The following CSMD1 variants were observed in gnomAD, a reference collection of about 807,000 sequenced individuals.
CSMD1 encodes the protein CUB and Sushi multiple domains 1, also known as CUB and sushi domain-containing protein 1.
In CSMD1, 213 loss-of-function variants were observed where a neutral mutation model predicts 417.5. The observed-to-expected ratio is 0.51, with a 90% CI of 0.46 to 0.57. The LOEUF (loss-of-function observed/expected upper bound fraction) is 0.57, where lower values mean the gene tolerates loss of function less well. CSMD1 is among the 20% of genes least tolerant of loss of function. CSMD1 has a pLI of 0.00. For missense variants in CSMD1, 6,923 were observed against 4,529.7 expected, an observed-to-expected ratio of 1.53 and a Z score of -15.17; for synonymous variants, 2,862 against 1,736.8, an observed-to-expected ratio of 1.65 and a Z score of -16.11.
At chr8:3,325,688 G>A (rs898061312) in intron 23 of CSMD1, among the ~76,000 whole-genome samples, 1 of 152,166 alleles carries the variant, frequency 6.6e-6, no homozygotes. Context: ...GCTGGGCATG[G>A]TGGCAGGCGC....
At chr8:3,419,024 T>C (rs569403838) in intron 12 of CSMD1, among the ~76,000 whole-genome samples, 1 of 152,346 alleles carries the variant, frequency 6.6e-6, no homozygotes, top group East Asian at 1.9e-4. Flanking sequence ...ACTTACATTA[T>C]ACTCGAGGCA....
chr8:4,699,667 A>AATGTC (rs1461408915), intron 1 of CSMD1, among the ~76,000 whole-genome samples: 4 of 152,216 alleles, frequency 2.6e-5, no homozygotes, highest in African/African-American at 7.2e-5. Context: ...CATTTTAAAC[A>AATGTC]ATGTCATCAT....
rs148339066 is a variant in CSMD1, at chr8:4,484,060, C to T, written c.303-63995G>A. Among the ~76,000 whole-genome samples the T allele has an allele frequency of 2.3e-3, 352 of 152,160 alleles. 2 individuals are homozygous for T. The highest frequency in any genetic ancestry group is 3.9e-3 in the Admixed American group (60 of 15,284). ...ACATTTCTTAGTCTGCCAAGCAATACCTCAGCATCAGTTCAAAATGAAAGG... is the reference window on the plus strand; with the variant it reads ...ACATTTCTTAGTCTGCCAAGCAATATCTCAGCATCAGTTCAAAATGAAAGG... On this transcript the variant is annotated intron_variant, in intron 2 of 69. Coordinates refer to ENST00000635120, the MANE Select transcript of CSMD1 (RefSeq NM_033225.6).
chr8:4,074,597 T>C (rs184614947), intron 3 of CSMD1, among the ~76,000 whole-genome samples: 7 of 152,254 alleles, frequency 4.6e-5, no homozygotes, highest in Non-Finnish European at 8.8e-5. Flanking sequence ...CCACAAATCA[T>C]TTCAAACTAC....
chr8:3,291,365 C>T (rs1048555143), intron 25 of CSMD1, among the ~76,000 whole-genome samples: 1 of 151,366 alleles, frequency 6.6e-6, no homozygotes, highest in African/African-American at 2.4e-5. Context: ...GGATTCCCAT[C>T]TTTTTCTTTT....
chr8:3,647,725 A>G (rs954470576), intron 7 of CSMD1, among the ~76,000 whole-genome samples: 1 of 152,238 alleles, frequency 6.6e-6, no homozygotes, highest in Non-Finnish European at 1.5e-5. Context: ...AACAAACGTT[A>G]AAGTATTGAT....
At chr8:3,281,888 C>A (rs773825327) in intron 26 of CSMD1, among the ~76,000 whole-genome samples, 5 of 152,078 alleles carry the variant, frequency 3.3e-5, no homozygotes, top group Non-Finnish European at 7.4e-5. Flanking sequence ...TTAGTACCAT[C>A]CCCCAGTGCT....
At position 2,948,934 on chromosome 8, in the gene CSMD1, T is replaced by C. The variant is rs143916232; in HGVS notation, c.10402+365A>G. 8.2e-3 allele frequency among the ~76,000 whole-genome samples: 1,242 copies of C among 152,016 alleles called. 27 individuals are homozygous for C. Among genetic ancestry groups the C allele is most frequent in the Admixed American group, 0.043 (662 of 15,248 alleles). On this transcript the variant is annotated intron_variant, in intron 68 of 69. Coordinates refer to ENST00000635120, the MANE Select transcript of CSMD1 (RefSeq NM_033225.6). The stretch of plus-strand genomic sequence containing the variant: ...ATATGTATATTTCTGAAGATCTTTT[T>C]ATATGTTTGTTGGCCACTTTTAATT...
At chr8:3,318,721 G>A (rs1805949614) in intron 23 of CSMD1, among the ~76,000 whole-genome samples, 1 of 152,120 alleles carries the variant, frequency 6.6e-6, no homozygotes, top group Non-Finnish European at 1.5e-5. Context: ...GGTCACAGGA[G>A]TTCCCTAGCT....
rs141050758 is a variant in CSMD1, at chr8:4,613,082, A to G, written c.302+24260T>C. Among the ~76,000 whole-genome samples the G allele has an allele frequency of 3.1e-3, 471 of 152,230 alleles. 4 individuals are homozygous for G. Among genetic ancestry groups the G allele is most frequent in the African/African-American group, 0.011 (442 of 41,544 alleles). On this transcript the variant is annotated intron_variant, in intron 2 of 69. Coordinates refer to ENST00000635120, the MANE Select transcript of CSMD1 (RefSeq NM_033225.6). ...GTGGCTGGTTTTCCCTCACTTTCCT[A>G]GGCTTGTCTTATAGCTGAATGCACA... is the stretch of plus-strand genomic sequence containing the variant.
intron 25 of CSMD1, among the ~76,000 whole-genome samples, chr8:3,307,358 C>T (rs187790530): frequency 8.5e-5 from 13 of 152,218 alleles, no homozygotes; most frequent in Admixed American, 2.0e-4. Context: ...CTGGACTGCT[C>T]ATCCCCAGGC....
intron 12 of CSMD1, among the ~76,000 whole-genome samples, chr8:3,457,684 G>C (rs1336020237): frequency 6.6e-6 from 1 of 152,078 alleles, no homozygotes; most frequent in East Asian, 1.9e-4. Context: ...TTTTAACAAA[G>C]ACTCTTGTTG....
intron 8 of CSMD1, among the ~76,000 whole-genome samples, chr8:3,591,407 G>T (rs1800838826): frequency 6.6e-6 from 1 of 152,152 alleles, no homozygotes; most frequent in African/African-American, 2.4e-5. Context: ...ACACGCTTTA[G>T]TTGTAATACA....
At position 3,284,307 on chromosome 8, in the gene CSMD1, G is replaced by T; in HGVS notation, c.3990C>A (p.Asp1330Glu). Residue 1330 changes from aspartate to glutamate, a missense_variant, in exon 26 of 70, where the codon GAC becomes GAA. Asp to Glu is a conservative substitution (Grantham distance 45). Transcript: ENST00000635120. ...CCGGCCCGTCCCAGACCTTGAGGATGTCGTGAGCCATCTCCGTGTCGAAAA... is the reference window on the plus strand; with the variant it reads ...CCGGCCCGTCCCAGACCTTGAGGATTTCGTGAGCCATCTCCGTGTCGAAAA... ...FIVFDTEMAH[D>E]ILKVWDGPVD... The T allele has an allele frequency of 6.2e-7, 1 of 1,613,922 alleles. No individual in the cohort carries two copies. The highest frequency in any genetic ancestry group is 8.5e-7 in the Non-Finnish European group (1 of 1,179,850).
chr8:4,388,075 G>A (rs1803579137), intron 3 of CSMD1, among the ~76,000 whole-genome samples: 1 of 152,098 alleles, frequency 6.6e-6, no homozygotes, highest in Non-Finnish European at 1.5e-5. Context: ...TTGGACTAAT[G>A]TCAGAAGTAA....
intron 3 of CSMD1, among the ~76,000 whole-genome samples, chr8:4,314,223 T>A (rs970175283): frequency 6.6e-6 from 1 of 151,790 alleles, no homozygotes; most frequent in African/African-American, 2.4e-5. Context: ...ACGTTAATAG[T>A]TAAGTCACAA....
chr8:4,251,857 G>GGAA, intron 3 of CSMD1, among the ~76,000 whole-genome samples: 1 of 149,552 alleles, frequency 6.7e-6, no homozygotes, highest in South Asian at 2.2e-4. Flanking sequence ...GAGGAGAGAT[G>GGAA]GAGGAGAGAG....
At chr8:3,189,370 C>A (rs1796278356) in intron 34 of CSMD1, among the ~76,000 whole-genome samples, 1 of 152,204 alleles carries the variant, frequency 6.6e-6, no homozygotes, top group South Asian at 2.1e-4. Flanking sequence ...TGCAGACATG[C>A]ATCTCCAAAT....
intron 3 of CSMD1, among the ~76,000 whole-genome samples, chr8:4,123,216 C>T (rs533898649): frequency 6.6e-6 from 1 of 152,268 alleles, no homozygotes; most frequent in African/African-American, 2.4e-5. Context: ...TCCTTAGAGC[C>T]AAGTTCACAG....
Sources: allele counts gnomAD v4.1 joint callset (sites outside exome capture counted in the v4.1 genomes callset), GRCh38; gene constraint gnomAD v4.1.1; transcripts MANE v1.5; gene names NCBI Gene and HGNC (gene_info 2026-07-23, HGNC 2026-07-21).